The following NFIA variants were observed in gnomAD, a reference collection of about 807,000 sequenced individuals.
NFIA encodes the protein nuclear factor I A.
A neutral mutation model predicts 62.8 loss-of-function variants in NFIA; 8 were observed. The observed-to-expected ratio is 0.13, with a 90% CI of 0.07 to 0.23. The LOEUF (loss-of-function observed/expected upper bound fraction) is 0.23. NFIA is among the 10% of genes least tolerant of loss of function. The pLI is 1.00. For missense variants in NFIA, 410 were observed against 642.1 expected (o/e 0.64, Z 3.91); for synonymous variants, 235 against 238.1 (o/e 0.99, Z 0.12).
At chr1:61,189,923 C>T (rs1034646938) in intron 2 of NFIA, among the ~76,000 whole-genome samples, 1 of 152,108 alleles carries the variant, frequency 6.6e-6, no homozygotes, top group African/African-American at 2.4e-5. Context: ...AACTTTAGTT[C>T]ACATTTACAG....
intron 2 of NFIA, among the ~76,000 whole-genome samples, chr1:61,089,601 T>G (rs1004224113): frequency 6.6e-6 from 1 of 152,116 alleles, no homozygotes; most frequent in Non-Finnish European, 1.5e-5. Context: ...CTAGATTACC[T>G]TCATGGCAGT....
chr1:61,164,612 G>A (rs775347174), intron 2 of NFIA, among the ~76,000 whole-genome samples: 5 of 151,890 alleles, frequency 3.3e-5, no homozygotes, highest in African/African-American at 4.8e-5. Context: ...GCCGCCCGCC[G>A]CCACGCCCGG....
intron 2 of NFIA, among the ~76,000 whole-genome samples, chr1:61,257,741 T>C (rs1188249558): frequency 2.0e-5 from 3 of 152,266 alleles, no homozygotes; most frequent in Non-Finnish European, 4.4e-5. Context: ...AGGGTCTCAC[T>C]CTGTTGCCAG....
At chr1:61,147,619 A>G (rs888370358) in intron 2 of NFIA, among the ~76,000 whole-genome samples, 4 of 152,186 alleles carry the variant, frequency 2.6e-5, no homozygotes, top group African/African-American at 9.7e-5. Context: ...TTGTTGGAAA[A>G]TCATTTTGCC....
chr1:61,231,872 C>CA (rs201132875), intron 2 of NFIA, among the ~76,000 whole-genome samples: 8,823 of 148,772 alleles, frequency 0.059, 291 homozygotes, highest in Non-Finnish European at 0.064. Context: ...ACAACAACAA[C>CA]AAAAAAAAAC....
chr1:61,426,403 G>A lies in NFIA; in HGVS notation c.1421-62G>A, dbSNP rs370804373. On this transcript the variant is annotated intron_variant, in intron 9 of 10. Transcript: ENST00000403491. ...GTCGGCTCGGAGACTGTGTGTTTTGGTGTTGTTTGTGTGTGCAATCTCGTG... is the reference window on the plus strand; with the variant it reads ...GTCGGCTCGGAGACTGTGTGTTTTGATGTTGTTTGTGTGTGCAATCTCGTG... 3.7e-6 allele frequency: 4 copies of A among 1,081,814 alleles called. 1 individual carries two copies. The South Asian group carries it at 5.4e-5, about 15-fold the overall frequency. The allele number at this position is 1,081,814 out of a possible 1,614,324, so 67.0% of individuals were successfully genotyped here. A position where few individuals can be genotyped will look rare whatever the true frequency, so the allele number is the denominator to read the frequency against.
rs1412711 is a variant in NFIA, at chr1:61,228,717, C to T, written c.560-48803C>T. The stretch of plus-strand genomic sequence containing the variant: ...AAAAAAATGTGTACATGAAGGTTTT[C>T]GGTGTAATGTTAAATCCAAAAGAAT... On this transcript the variant is annotated intron_variant, in intron 2 of 10. Transcript: ENST00000403491. Among the ~76,000 whole-genome samples the T allele has an allele frequency of 3.2e-3, 487 of 151,872 alleles. 3 individuals are homozygous for T. Among genetic ancestry groups the T allele is most frequent in the South Asian group, 0.011 (55 of 4,812 alleles).
intron 2 of NFIA, among the ~76,000 whole-genome samples, chr1:61,114,970 G>A (rs1190911477): frequency 1.3e-5 from 2 of 152,010 alleles, no homozygotes; most frequent in African/African-American, 4.8e-5. Flanking sequence ...ATTTGTTGTT[G>A]TTTGTTTTGT....
intron 4 of NFIA, among the ~76,000 whole-genome samples, chr1:61,351,280 G>A (rs77026098): frequency 0.03 from 4,535 of 152,248 alleles, 242 homozygotes; most frequent in African/African-American, 0.1. Flanking sequence ...TTTAAGGGTA[G>A]GGACCATGTC....
chr1:61,096,770 C>A (rs1646423155), intron 2 of NFIA, among the ~76,000 whole-genome samples: 5 of 151,622 alleles, frequency 3.3e-5, no homozygotes, highest in Admixed American at 2.6e-4. Flanking sequence ...TGAGGCTGGA[C>A]TCGAACTCCT....
intron 2 of NFIA, among the ~76,000 whole-genome samples, chr1:61,271,428 G>T (rs1446336095): frequency 2.6e-5 from 4 of 152,180 alleles, no homozygotes; most frequent in Non-Finnish European, 5.9e-5. Context: ...TCACAAACTT[G>T]TGGCCAGAAA....
chr1:61,369,635 GTTGA>G (rs780313257), intron 6 of NFIA, among the ~76,000 whole-genome samples: 1 of 152,050 alleles, frequency 6.6e-6, no homozygotes, highest in South Asian at 2.1e-4. Flanking sequence ...CTCAAGACAA[GTTGA>G]TTAACAATAA....
At chr1:61,204,388 C>T (rs1652751454) in intron 2 of NFIA, among the ~76,000 whole-genome samples, 1 of 152,210 alleles carries the variant, frequency 6.6e-6, no homozygotes, top group South Asian at 2.1e-4. Flanking sequence ...TAGAATATCT[C>T]ATCCATGCAT....
intron 1 of NFIA, among the ~76,000 whole-genome samples, chr1:61,083,664 C>T (rs1439471063): frequency 6.6e-6 from 1 of 151,502 alleles, no homozygotes; most frequent in Non-Finnish European, 1.5e-5. Flanking sequence ...GCGCCGAACG[C>T]CGGAGGCCGC....
chr1:61,113,965 T>C (rs1646753037), intron 2 of NFIA, among the ~76,000 whole-genome samples: 1 of 152,140 alleles, frequency 6.6e-6, no homozygotes. Flanking sequence ...AGGTTTTTTT[T>C]GAAAGGATTA....
chr1:61,399,615 A>T (rs2886084), intron 7 of NFIA, among the ~76,000 whole-genome samples: 50,876 of 152,092 alleles, frequency 0.33, 10,724 homozygotes, highest in African/African-American at 0.6. Context: ...TTCTTGGAGG[A>T]TGAGCTTGAG....
chr1:61,376,467 T>C (rs1409137228), intron 6 of NFIA, among the ~76,000 whole-genome samples: 1 of 152,208 alleles, frequency 6.6e-6, no homozygotes, highest in Non-Finnish European at 1.5e-5. Context: ...ATCTATGTGA[T>C]ATTTATTTTG....
intron 6 of NFIA, among the ~76,000 whole-genome samples, chr1:61,374,283 A>T (rs139597803): frequency 6.6e-6 from 1 of 152,234 alleles, no homozygotes; most frequent in Non-Finnish European, 1.5e-5. Context: ...GTGAATGCGT[A>T]TAATTGCTAT....
At chr1:61,386,572 C>T (rs1238897075) in intron 7 of NFIA, among the ~76,000 whole-genome samples, 5 of 152,132 alleles carry the variant, frequency 3.3e-5, no homozygotes, top group African/African-American at 1.2e-4. Context: ...CACACATCCA[C>T]GCTCAGAATG....
Sources: gnomAD v4.1 joint callset for allele counts (sites outside exome capture counted in the v4.1 genomes callset) on GRCh38, gnomAD v4.1.1 for gene constraint, MANE v1.5 for transcripts, NCBI Gene and HGNC (gene_info 2026-07-23, HGNC 2026-07-21) for gene names.